The following AGO3 variants were observed in gnomAD, a reference collection of about 807,000 sequenced individuals.
AGO3 encodes protein argonaute-3.
A neutral mutation model predicts 105.5 loss-of-function variants in AGO3; 16 were observed. The ratio of observed to expected loss-of-function variants is 0.15; its 90% CI spans 0.10 to 0.23. AGO3 has a LOEUF of 0.23. AGO3 is among the 10% of genes least tolerant of loss of function. The pLI is 1.00. For synonymous variants in AGO3, 340 were observed against 367.3 expected, an observed-to-expected ratio of 0.93 and a Z score of 0.85; for missense variants, 534 against 1,088.0, an observed-to-expected ratio of 0.49 and a Z score of 7.16.
intron 2 of AGO3, among the ~76,000 whole-genome samples, chr1:35,966,583 A>G (rs1392192066): frequency 6.6e-6 from 1 of 152,224 alleles, no homozygotes; most frequent in African/African-American, 2.4e-5. Flanking sequence ...AGAGATATGT[A>G]CTAGGTGTCT....
chr1:35,957,566 A>G (rs1646592556), intron 2 of AGO3, among the ~76,000 whole-genome samples: 1 of 151,924 alleles, frequency 6.6e-6, no homozygotes, highest in Non-Finnish European at 1.5e-5. Flanking sequence ...TCTCTACTAA[A>G]AATGCAAAAA....
chr1:35,949,384 G>A (rs182307803), intron 2 of AGO3, among the ~76,000 whole-genome samples: 3 of 152,122 alleles, frequency 2.0e-5, no homozygotes, highest in Non-Finnish European at 4.4e-5. Context: ...ACTTGCTTTT[G>A]TCTTCAGTTT....
intron 11 of AGO3, among the ~76,000 whole-genome samples, chr1:36,015,151 C>T (rs1024927361): frequency 6.6e-6 from 1 of 152,140 alleles, no homozygotes; most frequent in Non-Finnish European, 1.5e-5. Context: ...GTCATGGGTT[C>T]CCATGACCCC....
At chr1:35,932,018 A>G (rs1466986455) in intron 1 of AGO3, among the ~76,000 whole-genome samples, 1 of 152,182 alleles carries the variant, frequency 6.6e-6, no homozygotes, top group Non-Finnish European at 1.5e-5. Context: ...ATCCCTGCTT[A>G]TACGAGGAGG....
intron 9 of AGO3, among the ~76,000 whole-genome samples, chr1:36,013,249 A>G (rs1311788105): frequency 6.6e-6 from 1 of 151,902 alleles, no homozygotes; most frequent in Non-Finnish European, 1.5e-5. Flanking sequence ...TAATTTTTTA[A>G]TTTTTTTGTA....
intron 12 of AGO3, among the ~76,000 whole-genome samples, chr1:36,032,236 T>A (rs1489883831): frequency 2.0e-5 from 3 of 152,212 alleles, no homozygotes; most frequent in Admixed American, 2.0e-4. Context: ...TCTGGCTTTT[T>A]GATAGTAGCC....
chr1:36,046,883 T>A (rs571997551), intron 17 of AGO3, among the ~76,000 whole-genome samples: 1 of 152,166 alleles, frequency 6.6e-6, no homozygotes, highest in Admixed American at 6.5e-5. Flanking sequence ...CAGCTCTGTA[T>A]CCCATAGATA....
intron 5 of AGO3, among the ~76,000 whole-genome samples, chr1:35,974,644 A>T (rs1646925112): frequency 6.6e-6 from 1 of 152,154 alleles, no homozygotes; most frequent in Admixed American, 6.5e-5. Flanking sequence ...GTAGATTCAG[A>T]GATCTCTCCA....
At chr1:36,000,494 G>T (rs577816175) in intron 5 of AGO3, among the ~76,000 whole-genome samples, 1 of 152,138 alleles carries the variant, frequency 6.6e-6, no homozygotes, top group Admixed American at 6.5e-5. Context: ...GTAGTTACAA[G>T]TAATTACAAC....
At position 35,931,438 on chromosome 1, in the gene AGO3, C is replaced by T; in HGVS notation, c.12C>T (p.Gly4=). The T allele has an allele frequency of 6.6e-7, 1 of 1,518,148 alleles. No homozygotes were observed. The highest frequency in any genetic ancestry group is 2.7e-5 in the East Asian group (1 of 36,878). The allele number at this position is 1,518,148 out of a possible 1,614,324, so 94.0% of individuals were successfully genotyped here. A position where few individuals can be genotyped will look rare whatever the true frequency, so the allele number is the denominator to read the frequency against. Residue 4 remains glycine, a synonymous_variant, in exon 1 of 19, where the codon GGC becomes GGT. Coordinates refer to ENST00000373191, the MANE Select transcript of AGO3 (RefSeq NM_024852.4). MEI[G]SAGPAGAQPL... is the part of the protein sequence containing the mutation. ...CCCCAGCTCCATGAATGGAAATCGG[C>T]TCCGCAGGTGAGTCAGAGTAGCTGG...
chr1:35,969,301 C>T (rs569166524), intron 3 of AGO3, among the ~76,000 whole-genome samples: 2 of 152,190 alleles, frequency 1.3e-5, no homozygotes, highest in Admixed American at 1.3e-4. Context: ...TCTTACATTT[C>T]ACAGGTTGTC....
chr1:35,951,504 T>C (rs994920682), intron 2 of AGO3, among the ~76,000 whole-genome samples: 3 of 152,140 alleles, frequency 2.0e-5, no homozygotes, highest in Admixed American at 2.0e-4. Flanking sequence ...GCTCAAGCAA[T>C]CCTCCCACCT....
chr1:35,995,209 A>AAATAT (rs1237315557), intron 5 of AGO3, among the ~76,000 whole-genome samples: 40 of 114,742 alleles, frequency 3.5e-4, no homozygotes, highest in African/African-American at 9.7e-4. Flanking sequence ...TAAAAAAAAA[A>AAATAT]ATATATATAT....
intron 5 of AGO3, among the ~76,000 whole-genome samples, chr1:35,978,761 A>G (rs1196697759): frequency 6.6e-6 from 1 of 152,190 alleles, no homozygotes. Flanking sequence ...TATTCTTAAA[A>G]GTTATTTTTC....
At chr1:35,940,055 T>C (rs1646225295) in intron 1 of AGO3, among the ~76,000 whole-genome samples, 1 of 152,080 alleles carries the variant, frequency 6.6e-6, no homozygotes, top group South Asian at 2.1e-4. Context: ...TTTTAAACTG[T>C]TTGCCTTAAA....
intron 5 of AGO3, among the ~76,000 whole-genome samples, chr1:35,990,666 C>T (rs1350786005): frequency 6.6e-6 from 1 of 152,092 alleles, no homozygotes; most frequent in African/African-American, 2.4e-5. Flanking sequence ...TAGAAGTTCA[C>T]ACTGCTGCTT....
At chr1:36,035,658 G>A (rs1641968534) in intron 13 of AGO3, among the ~76,000 whole-genome samples, 1 of 152,154 alleles carries the variant, frequency 6.6e-6, no homozygotes, top group Non-Finnish European at 1.5e-5. Flanking sequence ...CCATGTTGGA[G>A]AATACTAGCA....
rs760734403 is a variant in AGO3, at chr1:36,055,382, G to C, written c.2474+237G>C. 27 of 609,964 alleles carry C rather than the reference G, an allele frequency of 4.4e-5. No homozygotes were observed. Among genetic ancestry groups the C allele is most frequent in the Non-Finnish European group, 6.9e-5 (24 of 347,606 alleles). 37.8% of individuals were successfully genotyped at this position (609,964 alleles called of 1,614,324 possible). On this transcript the variant is annotated intron_variant, in intron 18 of 18. Transcript: ENST00000373191. The surrounding 1 kb of genome is among the most constrained non-coding windows in gnomAD (Gnocchi z 4.4). ...AAGGAGAGATTATTGGTAATAAAGT[G>C]ATACATTCAGACAGATAGACAAAAT... is the stretch of plus-strand genomic sequence containing the variant.
At position 35,931,348 on chromosome 1, in the gene AGO3, C is replaced by A; in HGVS notation, c.-79C>A. 7.5e-7 allele frequency: 1 copy of A among 1,328,050 alleles called. No homozygotes were observed. Among genetic ancestry groups the A allele is most frequent in the East Asian group, 3.0e-5 (1 of 33,472 alleles). 82.3% of individuals were successfully genotyped at this position (1,328,050 alleles called of 1,614,324 possible). A position where few individuals can be genotyped will look rare whatever the true frequency, so the allele number is the denominator to read the frequency against. Reference sequence around the variant, plus strand: ...AGTGAGAGTGCCCGTCGCGTCGCGCCGCGTCGCCCCCCGGGCCGCCTCCTT... The same window carrying A: ...AGTGAGAGTGCCCGTCGCGTCGCGCAGCGTCGCCCCCCGGGCCGCCTCCTT... On this transcript the variant is annotated 5_prime_UTR_variant, in exon 1 of 19. Transcript: ENST00000373191.
Sources: allele counts gnomAD v4.1 joint callset (sites outside exome capture counted in the v4.1 genomes callset), GRCh38; gene constraint gnomAD v4.1.1; non-coding constraint Gnocchi (gnomAD v3.1); transcripts MANE v1.5; gene names NCBI Gene and HGNC (gene_info 2026-07-23, HGNC 2026-07-21).